Variants in RALGAPA2 observed in about 807,000 individuals in gnomAD.
The protein encoded by RALGAPA2 is ral GTPase-activating protein subunit alpha-2.
Under a neutral mutation model 230.4 loss-of-function variants are expected in RALGAPA2, and 139 were observed. The ratio of observed to expected loss-of-function variants is 0.60; its 90% CI spans 0.53 to 0.69. The LOEUF is 0.69. RALGAPA2 is among the 30% of genes least tolerant of loss of function. The probability of loss-of-function intolerance (pLI) is 0.00; values close to 1 mark genes in which losing one functional copy is unlikely to be tolerated. For missense variants in RALGAPA2, 2,163 were observed against 2,276.0 expected (o/e 0.95, Z 1.01); for synonymous variants, 847 against 837.8 (o/e 1.01, Z -0.19).
At chr20:20,668,532 C>T (rs942551359) in intron 3 of RALGAPA2, among the ~76,000 whole-genome samples, 6 of 152,106 alleles carry the variant, frequency 3.9e-5, no homozygotes, top group African/African-American at 1.4e-4. Context: ...AAAATATGTA[C>T]AAAAATGCAC....
At chr20:20,624,291 C>T (rs1261554992) in intron 10 of RALGAPA2, among the ~76,000 whole-genome samples, 2 of 143,052 alleles carry the variant, frequency 1.4e-5, no homozygotes, top group Admixed American at 7.2e-5. Flanking sequence ...CGCACCACTG[C>T]ACTCCAGCCT....
intron 1 of RALGAPA2, among the ~76,000 whole-genome samples, chr20:20,688,392 A>C (rs975732018): frequency 6.6e-6 from 1 of 152,250 alleles, no homozygotes; most frequent in African/African-American, 2.4e-5. Context: ...TTTACAAAGC[A>C]GAAAACTTAA....
intron 19 of RALGAPA2, among the ~76,000 whole-genome samples, chr20:20,583,862 C>G (rs995577250): frequency 2.6e-5 from 4 of 152,218 alleles, no homozygotes; most frequent in African/African-American, 9.6e-5. Flanking sequence ...TTCTCAGAGT[C>G]TCCTGTCTAC....
In RALGAPA2 at chr20:20,524,841, T is replaced by C; in HGVS notation, c.3751A>G (p.Thr1251Ala). 1 of 1,603,974 alleles carries C rather than the reference T, an allele frequency of 6.2e-7. No individual in the cohort carries two copies. Among genetic ancestry groups the C allele is most frequent in the Non-Finnish European group, 8.5e-7 (1 of 1,176,616 alleles). ...AATGTGCCACCTACCTTCTTGTCTG[T>C]TTCCACTGAGGAGTACTCTGCACTT... ...LPSAEYSSVETDKKFIVSLLL... is the reference protein window; with the variant it reads ...LPSAEYSSVEADKKFIVSLLL... The change falls in exon 29 of 40, where the codon ACA (threonine) becomes GCA (alanine). Residue 1251 changes from threonine to alanine, a missense_variant. Coordinates refer to ENST00000202677, the MANE Select transcript of RALGAPA2 (RefSeq NM_020343.4).
intron 18 of RALGAPA2, among the ~76,000 whole-genome samples, chr20:20,586,022 C>A (rs535292850): frequency 3.5e-4 from 54 of 152,264 alleles, no homozygotes; most frequent in African/African-American, 1.2e-3. Flanking sequence ...AACTATTACA[C>A]AGCCTTAAAG....
Position 20,615,162 on chromosome 20 carries a change from C to CT in RALGAPA2, c.1688+880dup, listed in dbSNP as rs58165861. 8.2e-3 allele frequency among the ~76,000 whole-genome samples: 1,138 copies of CT among 138,898 alleles called. 10 individuals carry two copies. Among genetic ancestry groups the CT allele is most frequent in the African/African-American group, 0.024 (922 of 37,930 alleles). The allele number at this position is 138,898 out of a possible 152,430, so 91.1% of individuals were successfully genotyped here. On this transcript the variant is annotated intron_variant, in intron 13 of 39. Coordinates refer to ENST00000202677, the MANE Select transcript of RALGAPA2 (RefSeq NM_020343.4). ...CTCATCAGATGGAGTAACGTGAGGA[C>CT]TTTTTTTTTTTTTTTTTCCCGAGAC...
rs1730527877 is a variant in RALGAPA2 at position 20,558,607 on chromosome 20, A to C, written c.3157-11775T>G. Among the ~76,000 whole-genome samples, 3 of 152,050 alleles carry C rather than the reference A, an allele frequency of 2.0e-5. No homozygotes were observed. In the South Asian group the frequency reaches 6.2e-4, roughly 32 times the overall value. On this transcript the variant is annotated intron_variant, in intron 23 of 39. Coordinates refer to ENST00000202677, the MANE Select transcript of RALGAPA2 (RefSeq NM_020343.4). Reference sequence around the variant, plus strand: ...CGGAAATTACTGGGCATGGGGTGTAAGGGAGTGTGGAATTGTGTGAGGAGG... The same window carrying C: ...CGGAAATTACTGGGCATGGGGTGTACGGGAGTGTGGAATTGTGTGAGGAGG...
intron 36 of RALGAPA2, among the ~76,000 whole-genome samples, chr20:20,481,850 T>C (rs2061783046): frequency 1.3e-5 from 2 of 152,192 alleles, no homozygotes; most frequent in South Asian, 4.1e-4. Flanking sequence ...ACAAGGGCAG[T>C]GTTGTCTGCC....
chr20:20,549,081 T>C (rs969698815), intron 23 of RALGAPA2, among the ~76,000 whole-genome samples: 2 of 152,214 alleles, frequency 1.3e-5, no homozygotes, highest in Non-Finnish European at 1.5e-5. Context: ...CTTTAGCACA[T>C]ACTTGAATCA....
chr20:20,557,914 A>T (rs1292745137), intron 23 of RALGAPA2, among the ~76,000 whole-genome samples: 1 of 152,204 alleles, frequency 6.6e-6, no homozygotes. Flanking sequence ...TCCTTACAGG[A>T]AGGGAAAATG....
Position 20,712,141 on chromosome 20 carries a change from G to A in RALGAPA2, c.106+234C>T, listed in dbSNP as rs551008626. ...TTCTCCGGGAGCGCAGGCGCCCAGC[G>A]AGAATCTGGGCTAAGTTTAACTCGA... On this transcript the variant is annotated intron_variant, in intron 1 of 39. Coordinates refer to ENST00000202677, the MANE Select transcript of RALGAPA2 (RefSeq NM_020343.4). This position sits in a 1 kb window ranked among gnomAD's most constrained non-coding sequence, Gnocchi z 5.5. Among the ~76,000 whole-genome samples the A allele has an allele frequency of 6.6e-6, 1 of 152,140 alleles. No individual in the cohort carries two copies. The highest frequency in any genetic ancestry group is 6.5e-5 in the Admixed American group (1 of 15,282).
At chr20:20,526,455 T>C (rs1376549721) in intron 27 of RALGAPA2, 93 bp from the exon 28 acceptor site, 10 of 791,400 alleles carry the variant, frequency 1.3e-5, no homozygotes, top group Admixed American at 3.3e-5. Flanking sequence ...CAGTTCCTTA[T>C]AGATTACATT....
intron 6 of RALGAPA2, 26 bp downstream of exon 6, chr20:20,640,675 A>T (rs761157258): frequency 5.8e-5 from 92 of 1,578,646 alleles, no homozygotes; most frequent in Non-Finnish European, 7.5e-5. Context: ...TAATTTCAAC[A>T]TGGGAGATCT....
At chr20:20,577,131 C>T (rs772324776) in intron 20 of RALGAPA2, among the ~76,000 whole-genome samples, 14 of 152,004 alleles carry the variant, frequency 9.2e-5, no homozygotes, top group Admixed American at 3.3e-4. Flanking sequence ...TTATCAGTCC[C>T]CACTGAGTGT....
chr20:20,661,497 A>G (rs377176000), intron 3 of RALGAPA2, among the ~76,000 whole-genome samples: 1 of 152,200 alleles, frequency 6.6e-6, no homozygotes, highest in East Asian at 1.9e-4. Context: ...AAGAAAAACA[A>G]TGCAAATGAT....
At chr20:20,460,341 A>T (rs975126890) in intron 37 of RALGAPA2, among the ~76,000 whole-genome samples, 2 of 152,366 alleles carry the variant, frequency 1.3e-5, no homozygotes, top group South Asian at 4.1e-4. Flanking sequence ...AAGTATTCAA[A>T]GCCAAAAACT....
intron 36 of RALGAPA2, among the ~76,000 whole-genome samples, chr20:20,475,911 T>C (rs1246091219): frequency 1.3e-5 from 2 of 152,142 alleles, no homozygotes; most frequent in Non-Finnish European, 1.5e-5. Context: ...CAGAAAACAA[T>C]ATACTCCTCA....
At chr20:20,588,606 C>T (rs2065198971) in intron 18 of RALGAPA2, among the ~76,000 whole-genome samples, 1 of 151,942 alleles carries the variant, frequency 6.6e-6, no homozygotes, top group South Asian at 2.1e-4. Context: ...ACAGAATATA[C>T]AAATGTAAAC....
chr20:20,395,950 A>G (rs2059705500), intron 39 of RALGAPA2, among the ~76,000 whole-genome samples: 1 of 152,142 alleles, frequency 6.6e-6, no homozygotes, highest in Non-Finnish European at 1.5e-5. Context: ...GATCCTTGTC[A>G]TTACCAACTG....
Sources: allele counts gnomAD v4.1 joint callset (sites outside exome capture counted in the v4.1 genomes callset), GRCh38; gene constraint gnomAD v4.1.1; non-coding constraint Gnocchi (gnomAD v3.1); transcripts MANE v1.5; gene names NCBI Gene and HGNC (gene_info 2026-07-23, HGNC 2026-07-21).